KCNK2: variants seen among roughly 807,000 people sequenced by gnomAD.
KCNK2 encodes the protein potassium two pore domain channel subfamily K member 2.
In KCNK2, 21 loss-of-function variants were observed where a neutral mutation model predicts 40.5. That is an observed-to-expected ratio of 0.52 (90% confidence interval 0.37 to 0.75). The LOEUF (loss-of-function observed/expected upper bound fraction) is 0.75. KCNK2 is among the 30% of genes least tolerant of loss of function. The pLI, the probability that KCNK2 is intolerant of heterozygous loss-of-function variation, is 0.00. For missense variants in KCNK2, 399 were observed against 531.6 expected (o/e 0.75, Z 2.45); for synonymous variants, 191 against 202.2 (o/e 0.94, Z 0.47).
chr1:215,107,835 T>A (rs1384318013), intron 2 of KCNK2, among the ~76,000 whole-genome samples: 1 of 152,022 alleles, frequency 6.6e-6, no homozygotes, highest in Non-Finnish European at 1.5e-5. Context: ...TGAAAAACAA[T>A]AGTACAGCAA....
In KCNK2 at chr1:215,059,566, A is replaced by G. The variant is rs1658298197; in HGVS notation, c.35-26802A>G. Among the ~76,000 whole-genome samples the G allele has an allele frequency of 3.3e-5, 5 of 152,336 alleles. No homozygotes were observed. The South Asian group carries it at 1.0e-3, about 32-fold the overall frequency. ...CAGTTCTCCCAAGTCAGCTCAAGGT[A>G]TCCATCGCCTTGGGGTGAAATTGGG... is the stretch of plus-strand genomic sequence containing the variant. On this transcript the variant is annotated intron_variant, in intron 1 of 6. Coordinates refer to the KCNK2 transcript ENST00000391895.
At chr1:215,197,729 G>T (rs1039390924) in intron 6 of KCNK2, among the ~76,000 whole-genome samples, 1 of 152,160 alleles carries the variant, frequency 6.6e-6, no homozygotes, top group Non-Finnish European at 1.5e-5. Context: ...ACCGGGTGGG[G>T]TTGCTTACGC....
intron 2 of KCNK2, among the ~76,000 whole-genome samples, chr1:215,109,386 GT>G (rs1660581200): frequency 6.6e-6 from 1 of 151,912 alleles, no homozygotes; most frequent in Non-Finnish European, 1.5e-5. Flanking sequence ...AGTCTCTAGT[GT>G]TTTTCTTTCC....
intron 1 of KCNK2, among the ~76,000 whole-genome samples, chr1:215,037,551 T>C (rs1379079725): frequency 1.3e-5 from 2 of 152,032 alleles, no homozygotes; most frequent in African/African-American, 2.4e-5. Flanking sequence ...ACGTTAAATG[T>C]TAAATATGTT....
chr1:215,093,247 G>A (rs917362331), intron 2 of KCNK2, among the ~76,000 whole-genome samples: 11 of 150,262 alleles, frequency 7.3e-5, no homozygotes, highest in Admixed American at 1.4e-4. Context: ...TTAGGAAACC[G>A]TATCACTCTA....
chr1:215,169,228 G>A lies in KCNK2; in HGVS notation c.505G>A (p.Gly169Ser). Residue 169 changes from glycine to serine, a missense_variant, in exon 4 of 7, where the codon GGC becomes AGC. By Grantham distance (56) the Gly-to-Ser change is moderately conservative (BLOSUM62 0). This residue lies in a region of KCNK2 where 279 missense variants were observed against 353.8 expected (regional missense o/e 0.79). Coordinates refer to ENST00000444842, the MANE Select transcript of KCNK2 (RefSeq NM_001017425.3). Reference sequence around the variant, plus strand: ...TGGAAACATCTCACCACGCACAGAAGGCGGCAAAATATTCTGTATCATCTA... The same window carrying A: ...TGGAAACATCTCACCACGCACAGAAAGCGGCAAAATATTCTGTATCATCTA... Reference protein sequence around the residue: ...GFGNISPRTEGGKIFCIIYAL... With the variant: ...GFGNISPRTESGKIFCIIYAL... 1 of 1,610,456 alleles carries A rather than the reference G, an allele frequency of 6.2e-7. No homozygotes were observed. The highest frequency in any genetic ancestry group is 1.1e-5 in the South Asian group (1 of 90,282).
intron 1 of KCNK2, among the ~76,000 whole-genome samples, chr1:215,014,942 A>G (rs1435851430): frequency 1.3e-5 from 2 of 152,172 alleles, no homozygotes; most frequent in African/African-American, 4.8e-5. Flanking sequence ...TATTAGCTAA[A>G]GGGAGAGAGC....
intron 1 of KCNK2, among the ~76,000 whole-genome samples, chr1:215,052,931 T>G (rs1287043745): frequency 6.6e-6 from 1 of 152,202 alleles, no homozygotes; most frequent in Non-Finnish European, 1.5e-5. Flanking sequence ...TCCTCTTTTT[T>G]TCTTTTCTAT....
intron 1 of KCNK2, among the ~76,000 whole-genome samples, chr1:215,044,421 T>C (rs1404401322): frequency 2.0e-5 from 3 of 152,138 alleles, no homozygotes; most frequent in Non-Finnish European, 1.5e-5. Context: ...GAAAGAATGA[T>C]GTAATTGATG....
chr1:215,160,587 A>G (rs1334436600), intron 3 of KCNK2, among the ~76,000 whole-genome samples: 1 of 152,160 alleles, frequency 6.6e-6, no homozygotes, highest in African/African-American at 2.4e-5. Context: ...GATCTTATTC[A>G]ACCTTTCAAA....
chr1:215,230,619 A>G (rs1666622548), intron 6 of KCNK2, among the ~76,000 whole-genome samples: 1 of 144,970 alleles, frequency 6.9e-6, no homozygotes, highest in African/African-American at 2.6e-5. Context: ...CCGTATATAT[A>G]TATCTTATTC....
intron 1 of KCNK2, among the ~76,000 whole-genome samples, chr1:215,036,955 G>T (rs1342845639): frequency 7.0e-6 from 1 of 143,208 alleles, no homozygotes; most frequent in East Asian, 2.1e-4. Flanking sequence ...GATGCCATCT[G>T]TAGATTTATT....
At chr1:215,006,035 A>G (rs980968598) in intron 1 of KCNK2, 15 of 1,190,490 alleles carry the variant, frequency 1.3e-5, no homozygotes, top group Non-Finnish European at 1.8e-5. Context: ...CCAAGCAAGT[A>G]TTTGATGTAA....
At chr1:215,178,057 A>C (rs1386689171) in intron 5 of KCNK2, among the ~76,000 whole-genome samples, 1 of 151,996 alleles carries the variant, frequency 6.6e-6, no homozygotes, top group African/African-American at 2.4e-5. Flanking sequence ...TTCTTTAAAC[A>C]GTGTTGTGTA....
chr1:215,166,700 T>A lies in KCNK2; in HGVS notation c.476-2499T>A, dbSNP rs971044309. On this transcript the variant is annotated intron_variant, in intron 3 of 6. Transcript: ENST00000444842. ...CAGCACTACTTCAGCCTGGGCTCCT[T>A]GAACCAGAATCTTCCATATACCACC... Among the ~76,000 whole-genome samples, 5 of 152,080 alleles carry A rather than the reference T, an allele frequency of 3.3e-5. No homozygotes were observed. The East Asian group carries it at 9.6e-4, about 29-fold the overall frequency.
intron 1 of KCNK2, among the ~76,000 whole-genome samples, chr1:215,035,808 G>A (rs1657363011): frequency 6.6e-6 from 1 of 151,930 alleles, no homozygotes; most frequent in African/African-American, 2.4e-5. Context: ...ATAAGAAAAT[G>A]TTAAATTACT....
rs1252122760 is a variant in KCNK2, at chr1:215,082,985, A to C, written c.-401A>C. On this transcript the variant is annotated 5_prime_UTR_variant, in exon 1 of 7. Coordinates refer to ENST00000444842, the MANE Select transcript of KCNK2 (RefSeq NM_001017425.3). ...CCGTGCCGGGGCCGGGCCAGCGAGC[A>C]GCCCGGGGCTGAGCGCGTGGCGGCG... is the stretch of plus-strand genomic sequence containing the variant. The C allele has an allele frequency of 6.8e-6, 1 of 147,408 alleles. No homozygotes were observed. The highest frequency in any genetic ancestry group is 2.4e-5 in the African/African-American group (1 of 40,856). The allele number at this position is 147,408 out of a possible 1,614,324, so 9.1% of individuals were successfully genotyped here.
intron 5 of KCNK2, among the ~76,000 whole-genome samples, chr1:215,177,662 G>C (rs1007920259): frequency 8.0e-5 from 12 of 149,084 alleles, no homozygotes; most frequent in African/African-American, 2.9e-4. Context: ...TCACATGACT[G>C]TAGGTGTGTG....
At chr1:215,211,379 T>C (rs2102689154) in intron 6 of KCNK2, among the ~76,000 whole-genome samples, 1 of 152,228 alleles carries the variant, frequency 6.6e-6, no homozygotes, top group South Asian at 2.1e-4. Flanking sequence ...TCAAGTCTTT[T>C]CATCAAACAC....
Sources: gnomAD v4.1 joint callset for allele counts (sites outside exome capture counted in the v4.1 genomes callset) on GRCh38, gnomAD v4.1.1 for gene constraint, gnomAD v4.1.1 regional missense constraint, MANE v1.5 for transcripts, NCBI Gene and HGNC (gene_info 2026-07-23, HGNC 2026-07-21) for gene names.